The following SSTR4 variants were observed in gnomAD, a reference collection of about 807,000 sequenced individuals.
SSTR4 encodes the protein somatostatin receptor type 4.
For synonymous variants in SSTR4, 272 were observed against 246.3 expected (o/e 1.10, Z -0.98); for missense variants, 649 against 540.6 (o/e 1.20, Z -1.99).
Position 23,037,064 on chromosome 20 carries a change from A to G in SSTR4, c.*414A>G, listed in dbSNP as rs1204752187. Among the ~76,000 whole-genome samples the G allele has an allele frequency of 6.6e-6, 1 of 152,214 alleles. No individual in the cohort carries two copies. Among genetic ancestry groups the G allele is most frequent in the Non-Finnish European group, 1.5e-5 (1 of 68,040 alleles). On this transcript the variant is annotated 3_prime_UTR_variant, in exon 1 of 1. Coordinates refer to ENST00000255008, the MANE Select transcript of SSTR4 (RefSeq NM_001052.4). ...AGACGCTCTGCCTTGTGGTGGGAGC[A>G]CAGCTTGTACAGGAGAGAGGAGGAA...
rs765507209 is a variant in SSTR4 at position 23,036,405 on chromosome 20, C to A, written c.922C>A (p.Pro308Thr). The A allele has an allele frequency of 6.2e-7, 1 of 1,614,130 alleles. No homozygotes were observed. The highest frequency in any genetic ancestry group is 8.5e-7 in the Non-Finnish European group (1 of 1,179,998). ...ILSYANSCAN[P>T]ILYGFLSDNF... ...TAGCTATGCCAACAGCTGCGCCAAC[C>A]CCATTCTCTATGGCTTCCTCTCCGA... Residue 308 changes from proline to threonine, a missense_variant, in exon 1 of 1, where the codon CCC becomes ACC. Pro to Thr is a conservative substitution (Grantham distance 38, BLOSUM62 -1). Coordinates refer to ENST00000255008, the MANE Select transcript of SSTR4 (RefSeq NM_001052.4).
In SSTR4 at chr20:23,038,735, C is replaced by G. The variant is rs568684117; in HGVS notation, c.*2085C>G. Among the ~76,000 whole-genome samples the G allele has an allele frequency of 6.6e-6, 1 of 152,174 alleles. No homozygotes were observed. Among genetic ancestry groups the G allele is most frequent in the Non-Finnish European group, 1.5e-5 (1 of 68,040 alleles). ...CATTGGCAGAGACACCGTGGAGACA[C>G]GCGAATCAAATGGTGGGAGGGCAGG... On this transcript the variant is annotated 3_prime_UTR_variant, in exon 1 of 1. Coordinates refer to ENST00000255008, the MANE Select transcript of SSTR4 (RefSeq NM_001052.4).
chr20:23,036,249 A>G lies in SSTR4; in HGVS notation c.766A>G (p.Lys256Glu). 6.2e-7 allele frequency: 1 copy of G among 1,614,152 alleles called. No homozygotes were observed. Among genetic ancestry groups the G allele is most frequent in the Non-Finnish European group, 8.5e-7 (1 of 1,180,038 alleles). Residue 256 changes from lysine to glutamate, a missense_variant, in exon 1 of 1, where the codon AAA (lysine) becomes GAA (glutamate). Transcript: ENST00000255008. ...GCAGCAGCGCAGGCGCTCGGAGAAG[A>G]AAATCACCAGGCTGGTGCTGATGGT... is the stretch of plus-strand genomic sequence containing the variant. ...GWQQRRRSEKKITRLVLMVVV... is the reference protein window; with the variant it reads ...GWQQRRRSEKEITRLVLMVVV...
rs758274211 is a variant in SSTR4 at position 23,038,590 on chromosome 20, G to A, written c.*1940G>A. On this transcript the variant is annotated 3_prime_UTR_variant, in exon 1 of 1. Transcript: ENST00000255008. ...GGAAAGAAAAGTCTCTGAGAGGCAG[G>A]ACACCTCAGCCTCAGCTACCCCGTG... Among the ~76,000 whole-genome samples, 22 of 152,184 alleles carry A rather than the reference G, an allele frequency of 1.4e-4. No individual in the cohort carries two copies. The highest frequency in any genetic ancestry group is 3.2e-3 in the Middle Eastern group (1 of 316).
In SSTR4 at chr20:23,036,383, C is replaced by A. The variant is rs750074281; in HGVS notation, c.900C>A (p.Ser300Arg). 62 of 1,614,028 alleles carry A rather than the reference C, an allele frequency of 3.8e-5. No individual in the cohort carries two copies. The highest frequency in any genetic ancestry group is 5.3e-5 in the Non-Finnish European group (62 of 1,180,008). ...TCAACCACGTGTCCCTTATCCTTAG[C>A]TATGCCAACAGCTGCGCCAACCCCA... ...ATVNHVSLIL[S>R]YANSCANPIL... Residue 300 changes from serine to arginine, a missense_variant, in exon 1 of 1, where the codon AGC (serine) becomes AGA (arginine). Ser to Arg is a moderately radical substitution (Grantham distance 110). Transcript: ENST00000255008.
chr20:23,036,258 A>C lies in SSTR4; in HGVS notation c.775A>C (p.Arg259=), dbSNP rs1477249492. ...QRRRSEKKIT[R]LVLMVVVVFV... is the part of the protein sequence containing the mutation. ...CAGGCGCTCGGAGAAGAAAATCACC[A>C]GGCTGGTGCTGATGGTCGTGGTCGT... The change falls in exon 1 of 1, where the codon AGG becomes CGG. Residue 259 remains arginine (R), a synonymous_variant. Transcript: ENST00000255008. 1 of 1,614,140 alleles carries C rather than the reference A, an allele frequency of 6.2e-7. No homozygotes were observed. The highest frequency in any genetic ancestry group is 1.1e-5 in the South Asian group (1 of 91,088).
chr20:23,036,080 C>A lies in SSTR4; in HGVS notation c.597C>A (p.Asn199Lys), dbSNP rs1330182353. The A allele has an allele frequency of 6.3e-7, 1 of 1,596,042 alleles. No homozygotes were observed. The highest frequency in any genetic ancestry group is 1.7e-5 in the Admixed American group (1 of 59,458). Residue 199 changes from asparagine (N) to lysine (K), a missense_variant, in exon 1 of 1, where the codon AAC becomes AAA. Transcript: ENST00000255008. ...GCGGCGGCCAGGCCGTGGCCTGCAA[C>A]CTGCAGTGGCCACACCCGGCCTGGT... is the stretch of plus-strand genomic sequence containing the variant. ...PARGGQAVAC[N>K]LQWPHPAWSA...
In SSTR4 at chr20:23,036,993, G is replaced by A. The variant is rs145961336; in HGVS notation, c.*343G>A. On this transcript the variant is annotated 3_prime_UTR_variant, in exon 1 of 1. Coordinates refer to ENST00000255008, the MANE Select transcript of SSTR4 (RefSeq NM_001052.4). ...GTGACTCCTTACAGCCACTGCTTGG[G>A]AGAGGACTCAAGAAGGTGGAGGGAG... is the stretch of plus-strand genomic sequence containing the variant. 1.3e-5 allele frequency among the ~76,000 whole-genome samples: 2 copies of A among 152,322 alleles called. No homozygotes were observed. Among genetic ancestry groups the A allele is most frequent in the African/African-American group, 4.8e-5 (2 of 41,582 alleles).
Position 23,036,404 on chromosome 20 carries a change from C to A in SSTR4, c.921C>A (p.Asn307Lys). Residue 307 changes from asparagine to lysine, a missense_variant, in exon 1 of 1, where the codon AAC becomes AAA. Asn to Lys is a moderately conservative substitution (Grantham distance 94). Coordinates refer to ENST00000255008, the MANE Select transcript of SSTR4 (RefSeq NM_001052.4). ...LILSYANSCA[N>K]PILYGFLSDN... The stretch of plus-strand genomic sequence containing the variant: ...TTAGCTATGCCAACAGCTGCGCCAA[C>A]CCCATTCTCTATGGCTTCCTCTCCG... The A allele has an allele frequency of 6.2e-7, 1 of 1,614,122 alleles. No individual in the cohort carries two copies. Among genetic ancestry groups the A allele is most frequent in the East Asian group, 2.2e-5 (1 of 44,870 alleles).
In SSTR4 at chr20:23,036,050, G is replaced by T. The variant is rs1192916193; in HGVS notation, c.567G>T (p.Pro189=). 1 of 1,575,868 alleles carries T rather than the reference G, an allele frequency of 6.3e-7. No homozygotes were observed. Among genetic ancestry groups the T allele is most frequent in the Non-Finnish European group, 8.6e-7 (1 of 1,167,798 alleles). ...LPIAIFADTR[P]ARGGQAVACN... Reference sequence around the variant, plus strand: ...TCGCCATCTTCGCAGACACCAGACCGGCTCGCGGCGGCCAGGCCGTGGCCT... The same window carrying T: ...TCGCCATCTTCGCAGACACCAGACCTGCTCGCGGCGGCCAGGCCGTGGCCT... Residue 189 remains proline (P), a synonymous_variant, in exon 1 of 1, where the codon CCG becomes CCT. Coordinates refer to ENST00000255008, the MANE Select transcript of SSTR4 (RefSeq NM_001052.4).
rs1568662239 is a variant in SSTR4 at position 23,036,536 on chromosome 20, C to G, written c.1053C>G (p.Leu351=). 1.2e-6 allele frequency: 2 copies of G among 1,613,474 alleles called. No homozygotes were observed. Among genetic ancestry groups the G allele is most frequent in the South Asian group, 2.2e-5 (2 of 91,036 alleles). ...EEPLDYYATA[L]KSKGGAGCMC... ...CCCTGGACTACTATGCCACTGCTCT[C>G]AAGAGCAAAGGTGGGGCAGGGTGCA... is the stretch of plus-strand genomic sequence containing the variant. The change falls in exon 1 of 1, where the codon CTC becomes CTG. Residue 351 remains leucine (L), a synonymous_variant. Coordinates refer to ENST00000255008, the MANE Select transcript of SSTR4 (RefSeq NM_001052.4).
rs1271268719 is a variant in SSTR4 at position 23,038,332 on chromosome 20, GT to G, written c.*1683del. The G allele has an allele frequency of 6.6e-6, 1 of 152,194 alleles. No individual in the cohort carries two copies. The highest frequency in any genetic ancestry group is 2.4e-5 in the African/African-American group (1 of 41,398). The allele number at this position is 152,194 out of a possible 1,614,324, so 9.4% of individuals were successfully genotyped here. ...TGAGGGGTTCACAGCACTGGCAGTG[GT>G]CCCCAGGGCTTCTTCCCAGCTTGTA... On this transcript the variant is annotated 3_prime_UTR_variant, in exon 1 of 1. Coordinates refer to ENST00000255008, the MANE Select transcript of SSTR4 (RefSeq NM_001052.4).
Position 23,037,036 on chromosome 20 carries a change from T to C in SSTR4, c.*386T>C, listed in dbSNP as rs1984349722. Among the ~76,000 whole-genome samples the C allele has an allele frequency of 6.6e-6, 1 of 152,214 alleles. No individual in the cohort carries two copies. Among genetic ancestry groups the C allele is most frequent in the South Asian group, 2.1e-4 (1 of 4,836 alleles). ...GGAGGGAGGTAGCACCCTTCCTCTC[T>C]GCAGACGCTCTGCCTTGTGGTGGGA... On this transcript the variant is annotated 3_prime_UTR_variant, in exon 1 of 1. Coordinates refer to ENST00000255008, the MANE Select transcript of SSTR4 (RefSeq NM_001052.4).
In SSTR4 at chr20:23,036,662, C is replaced by T. The variant is rs766469401; in HGVS notation, c.*12C>T. On this transcript the variant is annotated 3_prime_UTR_variant, in exon 1 of 1. Transcript: ENST00000255008. ...CCACCACCTTCTGAGGAGCCCTTCCCCTACCCACCCTGCGTGGCCACCTCC... is the reference window on the plus strand; with the variant it reads ...CCACCACCTTCTGAGGAGCCCTTCCTCTACCCACCCTGCGTGGCCACCTCC... The T allele has an allele frequency of 7.5e-5, 115 of 1,528,808 alleles. No homozygotes were observed. The highest frequency in any genetic ancestry group is 9.7e-5 in the Non-Finnish European group (111 of 1,140,108). 94.7% of individuals were successfully genotyped at this position (1,528,808 alleles called of 1,614,324 possible). A position where few individuals can be genotyped will look rare whatever the true frequency, so the allele number is the denominator to read the frequency against.
Position 23,035,557 on chromosome 20 carries a change from C to T in SSTR4, c.74C>T (p.Ala25Val). ...LGTAWPSAAN[A>V]SSAPAEAEEA... Reference sequence around the variant, plus strand: ...ACGGCCTGGCCCTCTGCAGCCAATGCCAGTAGCGCTCCGGCGGAGGCGGAG... The same window carrying T: ...ACGGCCTGGCCCTCTGCAGCCAATGTCAGTAGCGCTCCGGCGGAGGCGGAG... The change falls in exon 1 of 1, where the codon GCC (alanine) becomes GTC (valine). Residue 25 changes from alanine (A) to valine (V), a missense_variant. Ala to Val is a moderately conservative substitution (Grantham distance 64). Transcript: ENST00000255008. 6.3e-7 allele frequency: 1 copy of T among 1,591,940 alleles called. No homozygotes were observed.
rs1413727174 is a variant in SSTR4 at position 23,037,087 on chromosome 20, G to A, written c.*437G>A. On this transcript the variant is annotated 3_prime_UTR_variant, in exon 1 of 1. Coordinates refer to ENST00000255008, the MANE Select transcript of SSTR4 (RefSeq NM_001052.4). ...GCACAGCTTGTACAGGAGAGAGGAGGAAGGAAGATGCCCCCAGGCACCTGC... is the reference window on the plus strand; with the variant it reads ...GCACAGCTTGTACAGGAGAGAGGAGAAAGGAAGATGCCCCCAGGCACCTGC... Among the ~76,000 whole-genome samples, 1 of 152,196 alleles carries A rather than the reference G, an allele frequency of 6.6e-6. No homozygotes were observed. Among genetic ancestry groups the A allele is most frequent in the East Asian group, 1.9e-4 (1 of 5,178 alleles).
rs1984363050 is a variant in SSTR4, at chr20:23,037,555, T to C, written c.*905T>C. On this transcript the variant is annotated 3_prime_UTR_variant, in exon 1 of 1. Coordinates refer to ENST00000255008, the MANE Select transcript of SSTR4 (RefSeq NM_001052.4). ...GAAGCAGCTTCATCACCACCCCCTA[T>C]TTTAGAATGTCATCTTTCAGTAAAA... 6.6e-6 allele frequency among the ~76,000 whole-genome samples: 1 copy of C among 152,124 alleles called. No individual in the cohort carries two copies. The highest frequency in any genetic ancestry group is 2.4e-5 in the African/African-American group (1 of 41,418).
In SSTR4 at chr20:23,035,903, C is replaced by G; in HGVS notation, c.420C>G (p.Leu140=). 6.2e-7 allele frequency: 1 copy of G among 1,613,066 alleles called. No homozygotes were observed. Among genetic ancestry groups the G allele is most frequent in the South Asian group, 1.1e-5 (1 of 91,018 alleles). Residue 140 remains leucine, a synonymous_variant, in exon 1 of 1, where the codon CTC becomes CTG. Transcript: ENST00000255008. ...MFTSVFCLTV[L]SVDRYVAVVH... is the part of the protein sequence containing the mutation. ...CCAGCGTCTTCTGTCTCACCGTGCT[C>G]AGCGTGGACCGCTACGTGGCCGTGG...
At position 23,038,987 on chromosome 20, in the gene SSTR4, G is replaced by A. The variant is rs1379258854; in HGVS notation, c.*2337G>A. Reference sequence around the variant, plus strand: ...GCTGTGTTTGGAGCCCATCAACAGTGCTACCAGCTTTAGTTCCATCAACCC... The same window carrying A: ...GCTGTGTTTGGAGCCCATCAACAGTACTACCAGCTTTAGTTCCATCAACCC... On this transcript the variant is annotated 3_prime_UTR_variant, in exon 1 of 1. Transcript: ENST00000255008. 1.3e-5 allele frequency: 2 copies of A among 152,252 alleles called. No individual in the cohort carries two copies. Among genetic ancestry groups the A allele is most frequent in the Non-Finnish European group, 2.9e-5 (2 of 68,060 alleles). The allele number at this position is 152,252 out of a possible 1,614,324, so 9.4% of individuals were successfully genotyped here.
Sources: allele counts gnomAD v4.1 joint callset (sites outside exome capture counted in the v4.1 genomes callset), GRCh38; gene constraint gnomAD v4.1.1; transcripts MANE v1.5; gene names NCBI Gene and HGNC (gene_info 2026-07-23, HGNC 2026-07-21).